TRPM2: variants seen among roughly 807,000 people sequenced by gnomAD.
TRPM2 encodes transient receptor potential cation channel subfamily M member 2, also known as estrogen-responsive element-associated gene 1 protein.
A neutral mutation model predicts 174.0 loss-of-function variants in TRPM2; 161 were observed. The observed-to-expected ratio is 0.93, with a 90% confidence interval of 0.81 to 1.05. The LOEUF is 1.05. TRPM2 is among the 50% of genes least tolerant of loss of function. TRPM2 has a pLI of 0.00. For missense variants in TRPM2, 2,057 were observed against 2,038.0 expected (o/e 1.01, Z -0.18); for synonymous variants, 954 against 861.3 (o/e 1.11, Z -1.88).
At chr21:44,441,653 G>T in intron 31 of TRPM2, 39 bp from the exon 32 acceptor site, 2 of 1,581,680 alleles carry the variant, frequency 1.3e-6, no homozygotes, top group Non-Finnish European at 1.7e-6. Flanking sequence ...GCAGAGGCAG[G>T]GCTGGCGGGG....
At position 44,424,422 on chromosome 21, in the gene TRPM2, C is replaced by T. The variant is rs901412461; in HGVS notation, c.3550-430C>T. On this transcript the variant is annotated intron_variant, in intron 23 of 31. Coordinates refer to ENST00000397928, the MANE Select transcript of TRPM2 (RefSeq NM_003307.4). ...CACGAGTGAGACATGTCCCACTGTC[C>T]CCTGTGGGAGGCGCATCAGCCTCTG... 1.3e-5 allele frequency among the ~76,000 whole-genome samples: 2 copies of T among 152,222 alleles called. 1 individual carries two copies. Among genetic ancestry groups the T allele is most frequent in the Non-Finnish European group, 2.9e-5 (2 of 68,024 alleles).
Position 44,376,607 on chromosome 21 carries a change from T to C in TRPM2, c.952+594T>C, listed in dbSNP as rs1033898521. 1.3e-5 allele frequency among the ~76,000 whole-genome samples: 2 copies of C among 152,222 alleles called. No homozygotes were observed. The highest frequency in any genetic ancestry group is 6.5e-5 in the Admixed American group (1 of 15,286). On this transcript the variant is annotated intron_variant, in intron 6 of 31. Coordinates refer to ENST00000397928, the MANE Select transcript of TRPM2 (RefSeq NM_003307.4). The surrounding 1 kb of genome is among the most constrained non-coding windows in gnomAD (Gnocchi z 4.2). Reference sequence around the variant, plus strand: ...CAGGTTCAGAAATCAGAATGTACGATAGTCAAAACTTAGGATTTGATACCT... The same window carrying C: ...CAGGTTCAGAAATCAGAATGTACGACAGTCAAAACTTAGGATTTGATACCT...
At chr21:44,382,088 A>AGATG (rs201313893) in intron 8 of TRPM2, among the ~76,000 whole-genome samples, 2 of 151,236 alleles carry the variant, frequency 1.3e-5, no homozygotes, top group Admixed American at 6.6e-5. Flanking sequence ...ATGGATGGAA[A>AGATG]GATGGATGGA....
At chr21:44,404,564 C>T (rs960632730) in intron 16 of TRPM2, among the ~76,000 whole-genome samples, 6 of 152,224 alleles carry the variant, frequency 3.9e-5, no homozygotes, top group Non-Finnish European at 7.3e-5. Flanking sequence ...ACCCAGCTCT[C>T]TTCAGATCAG....
intron 27 of TRPM2, among the ~76,000 whole-genome samples, chr21:44,433,621 C>T (rs1348755214): frequency 6.6e-6 from 1 of 152,186 alleles, no homozygotes; most frequent in Non-Finnish European, 1.5e-5. Context: ...AGCTGAGGTC[C>T]CCAAGCCTTG....
chr21:44,378,789 G>A (rs2048784104), intron 7 of TRPM2, among the ~76,000 whole-genome samples: 1 of 152,234 alleles, frequency 6.6e-6, no homozygotes, highest in African/African-American at 2.4e-5. Context: ...GGCCTGAGAG[G>A]TGCCAGGTGT....
rs2050396642 is a variant in TRPM2 at position 44,418,505 on chromosome 21, G to T, written c.3411G>T (p.Gln1137His). 6.2e-7 allele frequency: 1 copy of T among 1,614,100 alleles called. No individual in the cohort carries two copies. The highest frequency in any genetic ancestry group is 1.7e-5 in the Admixed American group (1 of 60,022). ...AGGAGAACTACCTCCAGAACCGACA[G>T]TTCCAGCAAAAGCAGCGGCCCGAGC... ...YLKENYLQNR[Q>H]FQQKQRPEQK... is the part of the protein sequence containing the mutation. The change falls in exon 22 of 32, where the codon CAG (glutamine) becomes CAT (histidine). Residue 1137 changes from glutamine to histidine, a missense_variant. Transcript: ENST00000397928.
At chr21:44,413,800 G>A in intron 19 of TRPM2, 91 bp from the exon 20 acceptor site, 5 of 1,453,308 alleles carry the variant, frequency 3.4e-6, no homozygotes, top group Non-Finnish European at 4.7e-6. Flanking sequence ...GGACCTGGCA[G>A]TGACTGGAGG....
intron 5 of TRPM2, among the ~76,000 whole-genome samples, chr21:44,374,241 C>T (rs998543154): frequency 9.2e-5 from 14 of 152,196 alleles, no homozygotes; most frequent in African/African-American, 2.6e-4. Flanking sequence ...GAACTCCTGA[C>T]CTCAACTGAT....
intron 15 of TRPM2, 141 bp from the exon 16 acceptor site, chr21:44,401,539 TG>T (rs2049616321): frequency 2.5e-6 from 2 of 796,076 alleles, no homozygotes; most frequent in Admixed American, 4.6e-5. Context: ...GCTGCCGTTA[TG>T]GCCCCGGATC....
At chr21:44,424,423 C>T (rs1186976210) in intron 23 of TRPM2, among the ~76,000 whole-genome samples, 1 of 152,216 alleles carries the variant, frequency 6.6e-6, no homozygotes, top group Non-Finnish European at 1.5e-5. Flanking sequence ...CCCACTGTCC[C>T]CTGTGGGAGG....
chr21:44,362,279 C>T (rs942799492), intron 2 of TRPM2, among the ~76,000 whole-genome samples: 17 of 147,216 alleles, frequency 1.2e-4, no homozygotes, highest in East Asian at 2.0e-4. Flanking sequence ...CTGAGGTGGG[C>T]GGATCACGAG....
Position 44,382,740 on chromosome 21 carries a change from G to A in TRPM2, c.1238G>A (p.Arg413Gln), listed in dbSNP as rs1188458813. 4.3e-6 allele frequency: 7 copies of A among 1,613,958 alleles called. No individual in the cohort carries two copies. The highest frequency in any genetic ancestry group is 2.2e-5 in the South Asian group (2 of 91,050). ...TKKIQDIVRRRQLLTVFREGK... is the reference protein window; with the variant it reads ...TKKIQDIVRRQQLLTVFREGK... Reference sequence around the variant, plus strand: ...CAGATCCAAGATATCGTCCGGAGGCGGCAGCTGCTGACTGTCTTCCGGGAA... The same window carrying A: ...CAGATCCAAGATATCGTCCGGAGGCAGCAGCTGCTGACTGTCTTCCGGGAA... Residue 413 changes from arginine (R) to glutamine (Q), a missense_variant, in exon 9 of 32, where the codon CGG (arginine) becomes CAG (glutamine). Arg to Gln is a conservative substitution (Grantham distance 43, BLOSUM62 1). Coordinates refer to ENST00000397928, the MANE Select transcript of TRPM2 (RefSeq NM_003307.4).
intron 11 of TRPM2, among the ~76,000 whole-genome samples, chr21:44,392,421 C>CT (rs747999336): frequency 0.032 from 4,465 of 139,878 alleles, 68 homozygotes; most frequent in Non-Finnish European, 0.048. Context: ...CCACACCCAG[C>CT]TTTTTTTTTT....
chr21:44,411,553 C>A (rs975300310), intron 19 of TRPM2, among the ~76,000 whole-genome samples: 3 of 152,140 alleles, frequency 2.0e-5, no homozygotes, highest in African/African-American at 7.2e-5. Context: ...TTGTTCCTTT[C>A]CAAACTGGTT....
chr21:44,418,320 T>G, intron 21 of TRPM2, 103 bp from the exon 22 acceptor site: 1 of 1,501,536 alleles, frequency 6.7e-7, no homozygotes, highest in Non-Finnish European at 9.0e-7. Context: ...TTCCTGCCAC[T>G]CAGGACTGGC....
At chr21:44,356,987 CGTCGCCATCTTG>C (rs770842169) in intron 2 of TRPM2, among the ~76,000 whole-genome samples, 56 of 152,286 alleles carry the variant, frequency 3.7e-4, no homozygotes, top group Middle Eastern at 3.4e-3. Context: ...AGCCCACTTT[CGTCGCCATCTTG>C]GTTTTGGTGG....
intron 27 of TRPM2, among the ~76,000 whole-genome samples, chr21:44,427,340 TC>T (rs2050839537): frequency 6.6e-5 from 10 of 152,106 alleles, no homozygotes. Context: ...TGCCCCATGG[TC>T]CCTGCCGTAA....
Position 44,417,120 on chromosome 21 carries a change from A to G in TRPM2, c.3147-807A>G, listed in dbSNP as rs111456239. Among the ~76,000 whole-genome samples, 60 of 77,076 alleles carry G rather than the reference A, an allele frequency of 7.8e-4. 1 individual carries two copies. Among genetic ancestry groups the G allele is most frequent in the East Asian group, 2.3e-3 (5 of 2,210 alleles). 50.6% of individuals were successfully genotyped at this position (77,076 alleles called of 152,430 possible). ...GTGGCATCACAGTGGGCATGTGGGC[A>G]TGGCTCTGCTCTCTGGCATCACAGT... On this transcript the variant is annotated intron_variant, in intron 20 of 31. Transcript: ENST00000397928.
Sources: gnomAD v4.1 joint callset for allele counts (sites outside exome capture counted in the v4.1 genomes callset) on GRCh38, gnomAD v4.1.1 for gene constraint, Gnocchi (gnomAD v3.1) non-coding constraint, MANE v1.5 for transcripts, NCBI Gene and HGNC (gene_info 2026-07-23, HGNC 2026-07-21) for gene names.